PRADC1: variants seen among roughly 807,000 people sequenced by gnomAD.
The protein encoded by PRADC1 is protease associated domain containing 1, also known as protease-associated domain-containing protein 1.
Under a neutral mutation model 22.9 loss-of-function variants are expected in PRADC1, and 23 were observed. That is an observed-to-expected ratio of 1.00 (90% CI 0.72 to 1.42). The LOEUF is 1.42. Ranked by LOEUF, PRADC1 falls within the 40% of genes most tolerant of loss-of-function variation. The probability of loss-of-function intolerance (pLI) is 0.00; values close to 1 mark genes in which losing one functional copy is unlikely to be tolerated. For synonymous variants in PRADC1, 71 were observed against 100.3 expected (o/e 0.71, Z 1.75); for missense variants, 207 against 258.3 (o/e 0.80, Z 1.36).
intron 3 of PRADC1, 79 bp from the exon 4 acceptor site, chr2:73,229,041 GAA>G: frequency 1.6e-6 from 2 of 1,286,648 alleles, no homozygotes; most frequent in South Asian, 2.6e-5. Flanking sequence ...TGGGAGTATA[GAA>G]GGCAGACTAT....
intron 1 of PRADC1, among the ~76,000 whole-genome samples, chr2:73,231,744 C>T (rs1175508276): frequency 2.6e-5 from 4 of 152,094 alleles, no homozygotes; most frequent in Non-Finnish European, 4.4e-5. Flanking sequence ...CGTGAGCCAC[C>T]GCACCTGCCC....
At chr2:73,230,257 C>G in intron 1 of PRADC1, 44 bp from the exon 2 acceptor site, 3 of 1,424,884 alleles carry the variant, frequency 2.1e-6, no homozygotes, top group Non-Finnish European at 2.0e-6. Context: ...CAGGAACAAG[C>G]TGGTTCAGGT....
In PRADC1 at chr2:73,228,361, C is replaced by CA; in HGVS notation, c.*92dup. 1.4e-5 allele frequency: 21 copies of CA among 1,515,276 alleles called. No individual in the cohort carries two copies. Among genetic ancestry groups the CA allele is most frequent in the Non-Finnish European group, 1.8e-5 (20 of 1,109,666 alleles). The allele number at this position is 1,515,276 out of a possible 1,614,324, so 93.9% of individuals were successfully genotyped here. A position where few individuals can be genotyped will look rare whatever the true frequency, so the allele number is the denominator to read the frequency against. On this transcript the variant is annotated 3_prime_UTR_variant, in exon 5 of 5. Transcript: ENST00000258083. This position sits in a 1 kb window ranked among gnomAD's most constrained non-coding sequence, Gnocchi z 4.0. The stretch of plus-strand genomic sequence containing the variant: ...TCCTCTACCTGGCTCCACTTGTCCC[C>CA]AGATGCTATCTCCAAATTCCAAGTA...
Position 73,229,537 on chromosome 2 carries a change from C to A in PRADC1, c.202G>T (p.Ala68Ser), listed in dbSNP as rs527289568. Residue 68 changes from alanine to serine, a missense_variant, in exon 3 of 5, where the codon GCT (alanine) becomes TCT (serine). Physicochemically the swap from Ala to Ser is moderately conservative, Grantham distance 99. Coordinates refer to ENST00000258083, the MANE Select transcript of PRADC1 (RefSeq NM_032319.3). ...TCCCCGCAGGCCTCTGGAGGTTCAG[C>A]GGGGACAAGGTGAATCTGCTCATAC... ...TRYEQIHLVP[A>S]EPPEACGELS... The A allele has an allele frequency of 5.0e-6, 8 of 1,614,044 alleles. No homozygotes were observed. The highest frequency in any genetic ancestry group is 6.8e-6 in the Non-Finnish European group (8 of 1,179,972).
intron 1 of PRADC1, 72 bp downstream of exon 1, chr2:73,233,022 C>G: frequency 6.7e-7 from 1 of 1,503,700 alleles, no homozygotes; most frequent in Non-Finnish European, 8.9e-7. Flanking sequence ...ACCCTTGGCC[C>G]CCAACCCGAG....
rs1361450273 is a variant in PRADC1 at position 73,230,079 on chromosome 2, G to A, written c.168+34C>T. On this transcript the variant is annotated intron_variant, in intron 2 of 4. Transcript: ENST00000258083. ...GCTCAGTGAGGGGAAGGGGGAGGTT[G>A]AGGATCAGAGATCAGGGGCCTCCCT... 2.1e-6 allele frequency: 3 copies of A among 1,418,982 alleles called. No individual in the cohort carries two copies. The South Asian group carries it at 3.4e-5, about 16-fold the overall frequency. The allele number at this position is 1,418,982 out of a possible 1,614,324, so 87.9% of individuals were successfully genotyped here.
At chr2:73,230,318 A>C in intron 1 of PRADC1, 105 bp from the exon 2 acceptor site, 1 of 835,326 alleles carries the variant, frequency 1.2e-6, no homozygotes, top group Non-Finnish European at 2.0e-6. Flanking sequence ...GTCTGGGCTC[A>C]GGGTCCTGGC....
chr2:73,230,468 CTG>C lies in PRADC1; in HGVS notation c.68-257_68-256del, dbSNP rs567762777. ...CTGCTTACGCAGTAAGCCAGGAAAA[CTG>C]AGAGCTCCAGGGTTAGTATTTTTGC... On this transcript the variant is annotated intron_variant, in intron 1 of 4. Transcript: ENST00000258083. Among the ~76,000 whole-genome samples the C allele has an allele frequency of 1.9e-3, 293 of 152,358 alleles. 1 individual carries two copies. The highest frequency in any genetic ancestry group is 6.5e-3 in the African/African-American group (270 of 41,588).
At position 73,228,175 on chromosome 2, in the gene PRADC1, C is replaced by A. The variant is rs1574344169; in HGVS notation, c.*279G>T. On this transcript the variant is annotated 3_prime_UTR_variant, in exon 5 of 5. Transcript: ENST00000258083. This position sits in a 1 kb window ranked among gnomAD's most constrained non-coding sequence, Gnocchi z 4.0. Reference sequence around the variant, plus strand: ...AGTGTGACAGGTCACAGATGGCTCTCAGGCCACCTGCCTTCAGCTCCTTTT... The same window carrying A: ...AGTGTGACAGGTCACAGATGGCTCTAAGGCCACCTGCCTTCAGCTCCTTTT... The A allele has an allele frequency of 1.1e-5, 5 of 438,198 alleles. No homozygotes were observed. In the East Asian group the frequency reaches 2.2e-4, roughly 19 times the overall value. 27.1% of individuals were successfully genotyped at this position (438,198 alleles called of 1,614,324 possible). A position where few individuals can be genotyped will look rare whatever the true frequency, so the allele number is the denominator to read the frequency against.
Position 73,229,021 on chromosome 2 carries a change from A to G in PRADC1, c.279-59T>C. The stretch of plus-strand genomic sequence containing the variant: ...CAGGTCCTAGCTCCCCCTTCCCCAG[A>G]CCATCACCCTGGGAGTATAGAAGGC... On this transcript the variant is annotated intron_variant, in intron 3 of 4. Coordinates refer to ENST00000258083, the MANE Select transcript of PRADC1 (RefSeq NM_032319.3). The G allele has an allele frequency of 2.7e-6, 4 of 1,506,478 alleles. No homozygotes were observed. In the East Asian group the frequency reaches 6.8e-5, roughly 26 times the overall value. The allele number at this position is 1,506,478 out of a possible 1,614,324, so 93.3% of individuals were successfully genotyped here.
In PRADC1 at chr2:73,233,089, C is replaced by T; in HGVS notation, c.67+5G>A. On this transcript the variant is annotated splice_donor_5th_base_variant and intron_variant, in intron 1 of 4. Transcript: ENST00000258083. ...TGCAACGCAGTCCCACCCGTTGCCG[C>T]TCACCGTGGGCCGCGACGCACGCGG... The T allele has an allele frequency of 6.5e-7, 1 of 1,541,366 alleles. No individual in the cohort carries two copies. The highest frequency in any genetic ancestry group is 8.7e-7 in the Non-Finnish European group (1 of 1,152,458).
chr2:73,229,607 A>G (rs1251851626), intron 2 of PRADC1, 37 bp from the exon 3 acceptor site: 4 of 1,490,976 alleles, frequency 2.7e-6, no homozygotes, highest in African/African-American at 1.4e-5. Flanking sequence ...GTGAGAGTGT[A>G]ATGAGACACA....
chr2:73,232,418 C>T (rs975729209), intron 1 of PRADC1, among the ~76,000 whole-genome samples: 13 of 152,074 alleles, frequency 8.5e-5, no homozygotes, highest in Admixed American at 8.5e-4. Context: ...CTACTGTGTA[C>T]CAAGGATGGC....
In PRADC1 at chr2:73,232,962, C is replaced by T. The variant is rs1181670415; in HGVS notation, c.67+132G>A. On this transcript the variant is annotated intron_variant, in intron 1 of 4. Coordinates refer to ENST00000258083, the MANE Select transcript of PRADC1 (RefSeq NM_032319.3). ...TGGACCACCACCCACTTATTCCGGC[C>T]GCCCGCTCCCAGACCTGTCCTGCTC... 2.9e-6 allele frequency: 3 copies of T among 1,051,846 alleles called. No individual in the cohort carries two copies. The African/African-American group carries it at 5.1e-5, about 18-fold the overall frequency. 65.2% of individuals were successfully genotyped at this position (1,051,846 alleles called of 1,614,324 possible).
intron 2 of PRADC1, 196 bp downstream of exon 2, chr2:73,229,917 C>G (rs2103732285): frequency 1.7e-6 from 1 of 594,304 alleles, no homozygotes; most frequent in Non-Finnish European, 3.0e-6. Context: ...CTTGTCCCTC[C>G]ATGGTGCCTA....
chr2:73,228,590 G>A lies in PRADC1; in HGVS notation c.447-16C>T. ...GATCATGTAGCTGGGAGGGCATGAAGAGAGGTGGTGACGGTCACTTTCTTG... is the reference window on the plus strand; with the variant it reads ...GATCATGTAGCTGGGAGGGCATGAAAAGAGGTGGTGACGGTCACTTTCTTG... On this transcript the variant is annotated splice_polypyrimidine_tract_variant and intron_variant, in intron 4 of 4. Coordinates refer to ENST00000258083, the MANE Select transcript of PRADC1 (RefSeq NM_032319.3). This position sits in a 1 kb window ranked among gnomAD's most constrained non-coding sequence, Gnocchi z 4.0. The A allele has an allele frequency of 6.2e-7, 1 of 1,613,962 alleles. No homozygotes were observed. Among genetic ancestry groups the A allele is most frequent in the Non-Finnish European group, 8.5e-7 (1 of 1,180,032 alleles).
intron 1 of PRADC1, among the ~76,000 whole-genome samples, chr2:73,231,904 C>T (rs1234049406): frequency 6.6e-6 from 1 of 152,182 alleles, no homozygotes; most frequent in Admixed American, 6.5e-5. Context: ...TCCACAGCAC[C>T]GATGAAGAGA....
intron 1 of PRADC1, 21 bp downstream of exon 1, chr2:73,233,073 G>T: frequency 6.5e-7 from 1 of 1,535,686 alleles, no homozygotes; most frequent in Non-Finnish European, 8.7e-7. Flanking sequence ...CTGCAACGCA[G>T]TCCCACCCGT....
In PRADC1 at chr2:73,228,721, G is replaced by T; in HGVS notation, c.446+74C>A. On this transcript the variant is annotated intron_variant, in intron 4 of 4. Coordinates refer to ENST00000258083, the MANE Select transcript of PRADC1 (RefSeq NM_032319.3). The surrounding 1 kb of genome is among the most constrained non-coding windows in gnomAD (Gnocchi z 4.0). Reference sequence around the variant, plus strand: ...CCCCAAGTTGAGGCCTGCAAGAAGGGACTGGTGATTACCCCTGACCCAGTC... The same window carrying T: ...CCCCAAGTTGAGGCCTGCAAGAAGGTACTGGTGATTACCCCTGACCCAGTC... 1 of 1,584,868 alleles carries T rather than the reference G, an allele frequency of 6.3e-7. No homozygotes were observed. The highest frequency in any genetic ancestry group is 2.2e-5 in the East Asian group (1 of 44,498).
Sources: gnomAD v4.1 joint callset for allele counts (sites outside exome capture counted in the v4.1 genomes callset) on GRCh38, gnomAD v4.1.1 for gene constraint, Gnocchi (gnomAD v3.1) non-coding constraint, MANE v1.5 for transcripts, NCBI Gene and HGNC (gene_info 2026-07-23, HGNC 2026-07-21) for gene names.